Variants in MEST observed in about 807,000 individuals in gnomAD.
MEST encodes the protein mesoderm-specific transcript homolog protein.
MEST carries 18 observed loss-of-function variants against 50.9 expected under a neutral mutation model. That is an observed-to-expected ratio of 0.35 (90% CI 0.24 to 0.52). The LOEUF (loss-of-function observed/expected upper bound fraction) is 0.52. Ranked by LOEUF, MEST falls within the 20% of genes least tolerant of loss-of-function variation. The pLI, the probability that MEST is intolerant of heterozygous loss-of-function variation, is 0.94. For missense variants in MEST, 282 were observed against 425.3 expected, an observed-to-expected ratio of 0.66 and a Z score of 2.96; for synonymous variants, 130 against 154.1, an observed-to-expected ratio of 0.84 and a Z score of 1.16.
intron 2 of MEST, chr7:130,495,780 T>TTG (rs1284212300): frequency 7.2e-6 from 2 of 278,376 alleles, no homozygotes; most frequent in African/African-American, 4.8e-5. Context: ...CAATATTAGT[T>TTG]TTTTTTTTTT....
upstream of MEST, among the ~76,000 whole-genome samples, chr7:130,491,784 T>A (rs1276317858): frequency 6.6e-6 from 1 of 151,986 alleles, no homozygotes; most frequent in Non-Finnish European, 1.5e-5. This position sits in a 1 kb window ranked among gnomAD's most constrained non-coding sequence, Gnocchi z 6.8. Context: ...GGGTCTGCTG[T>A]TTTTGCCCGT....
intron 1 of MEST, among the ~76,000 whole-genome samples, chr7:130,493,513 A>T (rs1798914631): frequency 6.6e-6 from 1 of 152,204 alleles, no homozygotes. Context: ...TGAGGTAATA[A>T]GACAAAAAAT....
At chr7:130,494,154 G>T (rs1453391058) in intron 1 of MEST, among the ~76,000 whole-genome samples, 1 of 152,188 alleles carries the variant, frequency 6.6e-6, no homozygotes, top group Non-Finnish European at 1.5e-5. Context: ...AAAGTATCAG[G>T]GATATGGGGG....
upstream of MEST, chr7:130,491,606 C>G (rs1390574309): frequency 6.6e-6 from 1 of 152,300 alleles, no homozygotes; most frequent in Non-Finnish European, 1.5e-5. This position sits in a 1 kb window ranked among gnomAD's most constrained non-coding sequence, Gnocchi z 6.8. Flanking sequence ...GTTCAGTACC[C>G]ACGCTTCGAA....
chr7:130,497,793 TGG>T lies in MEST; in HGVS notation c.262-141_262-140del. 1 of 727,648 alleles carries T rather than the reference TGG, an allele frequency of 1.4e-6. No individual in the cohort carries two copies. Among genetic ancestry groups the T allele is most frequent in the Non-Finnish European group, 2.5e-6 (1 of 407,828 alleles). 45.1% of individuals were successfully genotyped at this position (727,648 alleles called of 1,614,324 possible). The stretch of plus-strand genomic sequence containing the variant: ...AAGCATTTTCCAAGAGGATCATCTG[TGG>T]GACCTGTGGTAGTTTCATGGCGTTT... On this transcript the variant is annotated intron_variant, in intron 3 of 11. Coordinates refer to ENST00000223215, the MANE Select transcript of MEST (RefSeq NM_002402.4). The surrounding 1 kb of genome is among the most constrained non-coding windows in gnomAD (Gnocchi z 4.0).
chr7:130,497,546 G>C lies in MEST; in HGVS notation c.261+311G>C, dbSNP rs1799110406. 1 of 258,570 alleles carries C rather than the reference G, an allele frequency of 3.9e-6. No homozygotes were observed. Among genetic ancestry groups the C allele is most frequent in the South Asian group, 8.0e-5 (1 of 12,460 alleles). The allele number at this position is 258,570 out of a possible 1,614,324, so 16.0% of individuals were successfully genotyped here. A position where few individuals can be genotyped will look rare whatever the true frequency, so the allele number is the denominator to read the frequency against. ...CACTTCAGCCTAGGTGACAGAGCGA[G>C]AGTCTGTCTCAAAAAAAAATTTTTT... On this transcript the variant is annotated intron_variant, in intron 3 of 11. Transcript: ENST00000223215. The surrounding 1 kb of genome is among the most constrained non-coding windows in gnomAD (Gnocchi z 4.0).
At chr7:130,489,698 A>C (rs1554434635), upstream of MEST, 2 of 152,210 alleles carry the variant, frequency 1.3e-5, no homozygotes. Context: ...CCCTCCTTCA[A>C]GGAAGTTTTT....
At position 130,505,128 on chromosome 7, in the gene MEST, A is replaced by T; in HGVS notation, c.*72A>T. On this transcript the variant is annotated 3_prime_UTR_variant, in exon 12 of 12. Transcript: ENST00000223215. ...TGTTGTGTATTCCACTTAGGAAGAA[A>T]TGCCCAAAAGAGGTCCTGGCCATCA... 8.6e-7 allele frequency: 1 copy of T among 1,157,356 alleles called. No homozygotes were observed. The highest frequency in any genetic ancestry group is 1.5e-5 in the African/African-American group (1 of 65,786). The allele number at this position is 1,157,356 out of a possible 1,614,324, so 71.7% of individuals were successfully genotyped here.
In MEST at chr7:130,492,557, A is replaced by G. The variant is rs1798869333; in HGVS notation, c.26+218A>G. 2.6e-6 allele frequency: 1 copy of G among 387,544 alleles called. No homozygotes were observed. The highest frequency in any genetic ancestry group is 4.5e-6 in the Non-Finnish European group (1 of 220,108). The allele number at this position is 387,544 out of a possible 1,614,324, so 24.0% of individuals were successfully genotyped here. On this transcript the variant is annotated intron_variant, in intron 1 of 11. Coordinates refer to ENST00000223215, the MANE Select transcript of MEST (RefSeq NM_002402.4). This position sits in a 1 kb window ranked among gnomAD's most constrained non-coding sequence, Gnocchi z 7.6. ...TCAGAACGCGGGACCTCCTTGGGTT[A>G]GGATTTCTAGACCCCGGGATCGTCG...
chr7:130,500,410 T>G lies in MEST; in HGVS notation c.577-52T>G. Reference sequence around the variant, plus strand: ...CCTAGTATAAAACCTTTTGCCCCGGTGAGGATCTTCCTCTGGGTTCTTGAG... The same window carrying G: ...CCTAGTATAAAACCTTTTGCCCCGGGGAGGATCTTCCTCTGGGTTCTTGAG... On this transcript the variant is annotated intron_variant, in intron 7 of 11. Coordinates refer to ENST00000223215, the MANE Select transcript of MEST (RefSeq NM_002402.4). This position sits in a 1 kb window ranked among gnomAD's most constrained non-coding sequence, Gnocchi z 5.0. 6.6e-7 allele frequency: 1 copy of G among 1,518,740 alleles called. No individual in the cohort carries two copies. The highest frequency in any genetic ancestry group is 1.8e-5 in the Admixed American group (1 of 57,074). 94.1% of individuals were successfully genotyped at this position (1,518,740 alleles called of 1,614,324 possible).
At chr7:130,501,002 A>G in intron 9 of MEST, 112 bp downstream of exon 9, 1 of 870,130 alleles carries the variant, frequency 1.1e-6, no homozygotes, top group Non-Finnish European at 1.8e-6. Flanking sequence ...GCTGATGATG[A>G]CCTATGGGGC....
chr7:130,504,136 T>C (rs1799383468), intron 11 of MEST, 140 bp downstream of exon 11: 3 of 647,114 alleles, frequency 4.6e-6, no homozygotes, highest in Non-Finnish European at 8.3e-6. Flanking sequence ...AATAAAAAGA[T>C]TGAGTTGAGG....
intron 2 of MEST, chr7:130,496,422 C>T: frequency 3.2e-6 from 1 of 312,436 alleles, no homozygotes; most frequent in South Asian, 2.6e-5. Flanking sequence ...TTAACTGCTT[C>T]TAAATTATTT....
Position 130,495,540 on chromosome 7 carries a change from G to T in MEST, c.181+18G>T. On this transcript the variant is annotated intron_variant, in intron 2 of 11. Transcript: ENST00000223215. ...CTACCAAGGTAAGAAGTGGACTATT[G>T]GAAGTCCTGCGTGTATCGGTCACAT... 6.2e-7 allele frequency: 1 copy of T among 1,611,516 alleles called. No individual in the cohort carries two copies. The highest frequency in any genetic ancestry group is 8.5e-7 in the Non-Finnish European group (1 of 1,178,602).
chr7:130,503,699 T>G (rs782037657), intron 10 of MEST, among the ~76,000 whole-genome samples: 1 of 152,090 alleles, frequency 6.6e-6, no homozygotes, highest in Non-Finnish European at 1.5e-5. Context: ...GTATGTAGTC[T>G]CAGCTACTGA....
At chr7:130,488,961 C>T (rs1554434432), upstream of MEST, 4 of 152,188 alleles carry the variant, frequency 2.6e-5, no homozygotes, top group East Asian at 3.9e-4. Flanking sequence ...ACATGTGCTC[C>T]TGTTCAACCA....
intron 6 of MEST, 24 bp downstream of exon 6, chr7:130,498,501 A>C: frequency 6.2e-7 from 1 of 1,610,132 alleles, no homozygotes; most frequent in Non-Finnish European, 8.5e-7. Context: ...CGGTAGGTAG[A>C]AAGTGGGTGT....
Position 130,497,075 on chromosome 7 carries a change from T to G in MEST, c.182-81T>G. Reference sequence around the variant, plus strand: ...TGGTCACAGTTGCTTGTTCTTTGTATCAGATTACTTAGATTTTAACATCTT... The same window carrying G: ...TGGTCACAGTTGCTTGTTCTTTGTAGCAGATTACTTAGATTTTAACATCTT... On this transcript the variant is annotated intron_variant, in intron 2 of 11. Transcript: ENST00000223215. This position sits in a 1 kb window ranked among gnomAD's most constrained non-coding sequence, Gnocchi z 4.0. The G allele has an allele frequency of 8.9e-7, 1 of 1,122,234 alleles. No homozygotes were observed. The highest frequency in any genetic ancestry group is 1.3e-6 in the Non-Finnish European group (1 of 777,146). 69.5% of individuals were successfully genotyped at this position (1,122,234 alleles called of 1,614,324 possible).
At position 130,505,515 on chromosome 7, in the gene MEST, TA is replaced by T. The variant is rs1198186022; in HGVS notation, c.*463del. 6.5e-6 allele frequency: 1 copy of T among 154,320 alleles called. No homozygotes were observed. The highest frequency in any genetic ancestry group is 1.9e-4 in the East Asian group (1 of 5,296). The allele number at this position is 154,320 out of a possible 1,614,324, so 9.6% of individuals were successfully genotyped here. A position where few individuals can be genotyped will look rare whatever the true frequency, so the allele number is the denominator to read the frequency against. On this transcript the variant is annotated 3_prime_UTR_variant, in exon 12 of 12. Coordinates refer to ENST00000223215, the MANE Select transcript of MEST (RefSeq NM_002402.4). The stretch of plus-strand genomic sequence containing the variant: ...AATGACGTTATGGGCACATGCCTTT[TA>T]AAAGTTCTTTAAGCAACACAGAGCT...
Sources: gnomAD v4.1 joint callset for allele counts (sites outside exome capture counted in the v4.1 genomes callset) on GRCh38, gnomAD v4.1.1 for gene constraint, Gnocchi (gnomAD v3.1) non-coding constraint, MANE v1.5 for transcripts, NCBI Gene and HGNC (gene_info 2026-07-23, HGNC 2026-07-21) for gene names.